The following ZNF740 variants were observed in gnomAD, a reference collection of about 807,000 sequenced individuals.
The protein encoded by ZNF740 is zinc finger protein 740.
A neutral mutation model predicts 24.8 loss-of-function variants in ZNF740; 14 were observed. The ratio of observed to expected loss-of-function variants is 0.56; its 90% CI spans 0.37 to 0.88. The LOEUF (loss-of-function observed/expected upper bound fraction) is 0.88. ZNF740 is among the 40% of genes least tolerant of loss of function. The pLI, the probability that ZNF740 is intolerant of heterozygous loss-of-function variation, is 0.00. For missense variants in ZNF740, 201 were observed against 247.9 expected (o/e 0.81, Z 1.27); for synonymous variants, 69 against 84.0 (o/e 0.82, Z 0.98).
Position 53,192,162 on chromosome 12 carries a change from G to A in ZNF740, c.*4572G>A, listed in dbSNP as rs758760422. On this transcript the variant is annotated 3_prime_UTR_variant, in exon 7 of 7. Coordinates refer to ENST00000416904, the MANE Select transcript of ZNF740 (RefSeq NM_001004304.4). ...AGGGAGGTCCAAGGTTATCCTCACC[G>A]CCCAGGGCCTTAGCCTCGTCCACTT... 235 of 1,212,366 alleles carry A rather than the reference G, an allele frequency of 1.9e-4. No homozygotes were observed. The highest frequency in any genetic ancestry group is 2.4e-4 in the Non-Finnish European group (211 of 868,744). The allele number at this position is 1,212,366 out of a possible 1,614,324, so 75.1% of individuals were successfully genotyped here. A position where few individuals can be genotyped will look rare whatever the true frequency, so the allele number is the denominator to read the frequency against.
chr12:53,181,837 A>G lies in ZNF740; in HGVS notation c.-147A>G. The G allele has an allele frequency of 9.9e-7, 1 of 1,012,566 alleles. No homozygotes were observed. Among genetic ancestry groups the G allele is most frequent in the Admixed American group, 2.6e-5 (1 of 38,422 alleles). The allele number at this position is 1,012,566 out of a possible 1,614,324, so 62.7% of individuals were successfully genotyped here. A position where few individuals can be genotyped will look rare whatever the true frequency, so the allele number is the denominator to read the frequency against. Reference sequence around the variant, plus strand: ...GGAGGACACTAAGTTCTATTTGAAGACAAAGTTCAATATGGCAACAGGACT... The same window carrying G: ...GGAGGACACTAAGTTCTATTTGAAGGCAAAGTTCAATATGGCAACAGGACT... On this transcript the variant is annotated 5_prime_UTR_variant, in exon 2 of 7. Transcript: ENST00000416904.
In ZNF740 at chr12:53,194,414, T is replaced by A; in HGVS notation, c.*6824T>A. On this transcript the variant is annotated 3_prime_UTR_variant, in exon 7 of 7. Coordinates refer to ENST00000416904, the MANE Select transcript of ZNF740 (RefSeq NM_001004304.4). ...GACTCCAACCCCACCTTATGTCCTC[T>A]CCAGGTGTTCCCAATTCTGCCAGCA... is the stretch of plus-strand genomic sequence containing the variant. The A allele has an allele frequency of 6.7e-7, 1 of 1,495,768 alleles. No homozygotes were observed. The highest frequency in any genetic ancestry group is 9.2e-7 in the Non-Finnish European group (1 of 1,090,440). 92.7% of individuals were successfully genotyped at this position (1,495,768 alleles called of 1,614,324 possible).
Position 53,193,236 on chromosome 12 carries a change from G to A in ZNF740, c.*5646G>A. Reference sequence around the variant, plus strand: ...CCACTGCAGCTGCAGCGTCCACATTGACAGTGACCCTTTCCACTGCACAGG... The same window carrying A: ...CCACTGCAGCTGCAGCGTCCACATTAACAGTGACCCTTTCCACTGCACAGG... On this transcript the variant is annotated 3_prime_UTR_variant, in exon 7 of 7. Coordinates refer to ENST00000416904, the MANE Select transcript of ZNF740 (RefSeq NM_001004304.4). 1 of 1,614,170 alleles carries A rather than the reference G, an allele frequency of 6.2e-7. No individual in the cohort carries two copies. Among genetic ancestry groups the A allele is most frequent in the Non-Finnish European group, 8.5e-7 (1 of 1,180,018 alleles).
chr12:53,184,003 G>A lies in ZNF740; in HGVS notation c.10-888G>A, dbSNP rs185892872. On this transcript the variant is annotated intron_variant, in intron 2 of 6. Transcript: ENST00000416904. ...CGTGCCACTGCACTCCAGCCTGGGC[G>A]ACAGAGTGACACCCTGTCTCAACCA... 1.4e-3 allele frequency among the ~76,000 whole-genome samples: 208 copies of A among 152,040 alleles called. 1 individual carries two copies. The highest frequency in any genetic ancestry group is 4.8e-3 in the African/African-American group (199 of 41,480).
Position 53,189,184 on chromosome 12 carries a change from A to G in ZNF740, c.*1594A>G, listed in dbSNP as rs947062937. The stretch of plus-strand genomic sequence containing the variant: ...CTAACCCAAGCCAGGGCTTGTGAAC[A>G]TGAATTTTCTAAGGTGAAATAAACC... On this transcript the variant is annotated 3_prime_UTR_variant, in exon 7 of 7. Coordinates refer to ENST00000416904, the MANE Select transcript of ZNF740 (RefSeq NM_001004304.4). 1 of 152,064 alleles carries G rather than the reference A, an allele frequency of 6.6e-6. No homozygotes were observed. Among genetic ancestry groups the G allele is most frequent in the Admixed American group, 6.5e-5 (1 of 15,274 alleles). 9.4% of individuals were successfully genotyped at this position (152,064 alleles called of 1,614,324 possible).
rs1941792247 is a variant in ZNF740 at position 53,184,863 on chromosome 12, C to T, written c.10-28C>T. On this transcript the variant is annotated intron_variant, in intron 2 of 6. Coordinates refer to ENST00000416904, the MANE Select transcript of ZNF740 (RefSeq NM_001004304.4). ...GTTTTTGCCCTGCCCTGCCAGGTGA[C>T]CTGACACCTCATCTCCTTTCAACTT... The T allele has an allele frequency of 4.4e-6, 7 of 1,602,574 alleles. No individual in the cohort carries two copies. The East Asian group carries it at 1.6e-4, about 36-fold the overall frequency.
At chr12:53,186,571 A>T in intron 6 of ZNF740, 62 bp downstream of exon 6, 2 of 1,339,514 alleles carry the variant, frequency 1.5e-6, no homozygotes, top group Non-Finnish European at 2.1e-6. Context: ...AATCAGGGCC[A>T]CCCTCCACTC....
At chr12:53,182,868 G>T (rs766949157) in intron 2 of ZNF740, among the ~76,000 whole-genome samples, 14 of 152,200 alleles carry the variant, frequency 9.2e-5, no homozygotes, top group East Asian at 1.9e-4. Flanking sequence ...CATCAGATCA[G>T]TGTTATGTAG....
At position 53,193,075 on chromosome 12, in the gene ZNF740, C is replaced by T. The variant is rs191980803; in HGVS notation, c.*5485C>T. 1 of 1,476,296 alleles carries T rather than the reference C, an allele frequency of 6.8e-7. No homozygotes were observed. Among genetic ancestry groups the T allele is most frequent in the Non-Finnish European group, 9.3e-7 (1 of 1,072,902 alleles). 91.4% of individuals were successfully genotyped at this position (1,476,296 alleles called of 1,614,324 possible). A position where few individuals can be genotyped will look rare whatever the true frequency, so the allele number is the denominator to read the frequency against. On this transcript the variant is annotated 3_prime_UTR_variant, in exon 7 of 7. Transcript: ENST00000416904. Reference sequence around the variant, plus strand: ...TATTTGCCTTCCATGCCAGGAGATTCCCAGAGCCTAAGTGCCTTGGGAAGG... The same window carrying T: ...TATTTGCCTTCCATGCCAGGAGATTTCCAGAGCCTAAGTGCCTTGGGAAGG...
chr12:53,193,012 C>A lies in ZNF740; in HGVS notation c.*5422C>A. 1 of 1,364,562 alleles carries A rather than the reference C, an allele frequency of 7.3e-7. No individual in the cohort carries two copies. The highest frequency in any genetic ancestry group is 1.3e-5 in the South Asian group (1 of 79,288). The allele number at this position is 1,364,562 out of a possible 1,614,324, so 84.5% of individuals were successfully genotyped here. The stretch of plus-strand genomic sequence containing the variant: ...CGCATCCAATCTTTTTGAAGTATGC[C>A]AACCACACCCTCTAACCCATACACC... On this transcript the variant is annotated 3_prime_UTR_variant, in exon 7 of 7. Coordinates refer to ENST00000416904, the MANE Select transcript of ZNF740 (RefSeq NM_001004304.4).
intron 2 of ZNF740, among the ~76,000 whole-genome samples, chr12:53,184,150 T>TGTGTGTGTGTGCGCGCGCGCGC (rs59250662): frequency 7.7e-5 from 8 of 104,346 alleles, no homozygotes; most frequent in African/African-American, 3.0e-4. Flanking sequence ...TGTGTGTGTG[T>TGTGTGTGTGTGCGCGCGCGCGC]GCGCGCGCGC....
Position 53,194,344 on chromosome 12 carries a change from T to C in ZNF740, c.*6754T>C, listed in dbSNP as rs750088126. ...TCAAGGGTCACGGTGGAAGACAGGC[T>C]CTATGGGAAGAGAGCGAGTGGATAA... On this transcript the variant is annotated 3_prime_UTR_variant, in exon 7 of 7. Coordinates refer to ENST00000416904, the MANE Select transcript of ZNF740 (RefSeq NM_001004304.4). 1 of 1,613,814 alleles carries C rather than the reference T, an allele frequency of 6.2e-7. No homozygotes were observed. Among genetic ancestry groups the C allele is most frequent in the South Asian group, 1.1e-5 (1 of 91,040 alleles).
In ZNF740 at chr12:53,184,114, G is replaced by GGTGTGTGTGTGTGTGTGTGTGTGTGT. The variant is rs754768891; in HGVS notation, c.10-765_10-740dup. 1.8e-4 allele frequency among the ~76,000 whole-genome samples: 22 copies of GGTGTGTGTGTGTGTGTGTGTGTGTGT among 123,568 alleles called. No individual in the cohort carries two copies. The East Asian group carries it at 2.1e-3, about 12-fold the overall frequency. 81.1% of individuals were successfully genotyped at this position (123,568 alleles called of 152,430 possible). The stretch of plus-strand genomic sequence containing the variant: ...TCAAAAGTGGGCTCTGAAGCTAAGG[G>GGTGTGTGTGTGTGTGTGTGTGTGTGT]GTGTGTGTGTGTGTGTGTGTGTGTG... On this transcript the variant is annotated intron_variant, in intron 2 of 6. Coordinates refer to ENST00000416904, the MANE Select transcript of ZNF740 (RefSeq NM_001004304.4).
chr12:53,194,013 T>C lies in ZNF740; in HGVS notation c.*6423T>C. ...TAGTAAATGAAGGGATGGGGTCATG[T>C]TAACACCCAACTCCTAGAAACATGC... is the stretch of plus-strand genomic sequence containing the variant. On this transcript the variant is annotated 3_prime_UTR_variant, in exon 7 of 7. Coordinates refer to ENST00000416904, the MANE Select transcript of ZNF740 (RefSeq NM_001004304.4). 7.6e-7 allele frequency: 1 copy of C among 1,312,284 alleles called. No individual in the cohort carries two copies. Among genetic ancestry groups the C allele is most frequent in the East Asian group, 2.4e-5 (1 of 42,032 alleles). 81.3% of individuals were successfully genotyped at this position (1,312,284 alleles called of 1,614,324 possible).
intron 2 of ZNF740, 109 bp downstream of exon 2, chr12:53,182,101 C>T: frequency 6.9e-7 from 1 of 1,450,714 alleles, no homozygotes; most frequent in South Asian, 1.2e-5. Flanking sequence ...GATCCAAGCT[C>T]TGTATTAAGC....
Position 53,187,921 on chromosome 12 carries a change from C to T in ZNF740, c.*331C>T, listed in dbSNP as rs935049400. 7.0e-6 allele frequency: 2 copies of T among 284,914 alleles called. No homozygotes were observed. Among genetic ancestry groups the T allele is most frequent in the Admixed American group, 9.5e-5 (2 of 21,082 alleles). 17.6% of individuals were successfully genotyped at this position (284,914 alleles called of 1,614,324 possible). On this transcript the variant is annotated 3_prime_UTR_variant, in exon 7 of 7. Coordinates refer to ENST00000416904, the MANE Select transcript of ZNF740 (RefSeq NM_001004304.4). ...TCCCACAACCTTGGACTCCAGCTGG[C>T]AGCTGAAATGGAAAAGATTGGGGAA...
In ZNF740 at chr12:53,189,435, G is replaced by C. The variant is rs1169950826; in HGVS notation, c.*1845G>C. The C allele has an allele frequency of 6.6e-6, 1 of 152,044 alleles. No individual in the cohort carries two copies. Among genetic ancestry groups the C allele is most frequent in the East Asian group, 1.9e-4 (1 of 5,186 alleles). 9.4% of individuals were successfully genotyped at this position (152,044 alleles called of 1,614,324 possible). A position where few individuals can be genotyped will look rare whatever the true frequency, so the allele number is the denominator to read the frequency against. On this transcript the variant is annotated 3_prime_UTR_variant, in exon 7 of 7. Transcript: ENST00000416904. Reference sequence around the variant, plus strand: ...AGAATGGATACCAGCAATGATTCCTGGCTGTTACCTATTCTGGAGGGGTGG... The same window carrying C: ...AGAATGGATACCAGCAATGATTCCTCGCTGTTACCTATTCTGGAGGGGTGG...
intron 6 of ZNF740, 167 bp downstream of exon 6, chr12:53,186,676 G>A (rs1295347037): frequency 1.8e-6 from 1 of 558,852 alleles, no homozygotes; most frequent in African/African-American, 1.9e-5. Flanking sequence ...TGATCATGGG[G>A]AGCAGCAATT....
At position 53,190,470 on chromosome 12, in the gene ZNF740, G is replaced by A. The variant is rs1034890677; in HGVS notation, c.*2880G>A. 2.0e-5 allele frequency: 3 copies of A among 152,820 alleles called. No individual in the cohort carries two copies. Among genetic ancestry groups the A allele is most frequent in the African/African-American group, 7.2e-5 (3 of 41,426 alleles). 9.5% of individuals were successfully genotyped at this position (152,820 alleles called of 1,614,324 possible). A position where few individuals can be genotyped will look rare whatever the true frequency, so the allele number is the denominator to read the frequency against. On this transcript the variant is annotated 3_prime_UTR_variant, in exon 7 of 7. Coordinates refer to ENST00000416904, the MANE Select transcript of ZNF740 (RefSeq NM_001004304.4). ...GCCCTACCAGCTCAGGCTATAAACA[G>A]TCTGCTTTGCCCCAAGTCTTTTCCG...
Sources: gnomAD v4.1 joint callset for allele counts (sites outside exome capture counted in the v4.1 genomes callset) on GRCh38, gnomAD v4.1.1 for gene constraint, MANE v1.5 for transcripts, NCBI Gene and HGNC (gene_info 2026-07-23, HGNC 2026-07-21) for gene names.